GRM5: variants seen among roughly 807,000 people sequenced by gnomAD.
The protein encoded by GRM5 is metabotropic glutamate receptor 5.
A neutral mutation model predicts 83.1 loss-of-function variants in GRM5; 19 were observed. That is an observed-to-expected ratio of 0.23 (90% CI 0.16 to 0.34). The LOEUF (loss-of-function observed/expected upper bound fraction) is 0.34. Ranked by LOEUF, GRM5 falls within the 10% of genes least tolerant of loss-of-function variation. The pLI, the probability that GRM5 is intolerant of heterozygous loss-of-function variation, is 1.00. For synonymous variants in GRM5, 675 were observed against 633.6 expected, an observed-to-expected ratio of 1.07 and a Z score of -0.98; for missense variants, 1,160 against 1,588.3, an observed-to-expected ratio of 0.73 and a Z score of 4.58.
At chr11:88,594,414 C>A (rs910936502) in intron 6 of GRM5, among the ~76,000 whole-genome samples, 1 of 152,166 alleles carries the variant, frequency 6.6e-6, no homozygotes, top group Non-Finnish European at 1.5e-5. Context: ...AACTCAGCAA[C>A]TCAGCTATCC....
chr11:88,577,330 A>C (rs548457673), intron 7 of GRM5, among the ~76,000 whole-genome samples: 1 of 152,250 alleles, frequency 6.6e-6, no homozygotes, highest in African/African-American at 2.4e-5. Context: ...TATTACAGAA[A>C]GAAAATATGG....
intron 3 of GRM5, among the ~76,000 whole-genome samples, chr11:88,683,316 C>G (rs949078734): frequency 6.6e-6 from 1 of 152,164 alleles, no homozygotes; most frequent in Non-Finnish European, 1.5e-5. Flanking sequence ...GCACTCTATT[C>G]CTTCTCCAAA....
At chr11:88,984,997 T>C in intron 2 of GRM5, 1 of 509,202 alleles carries the variant, frequency 2.0e-6, no homozygotes, top group Non-Finnish European at 3.6e-6. Context: ...TGGTACTCAA[T>C]TTTACTCCAT....
intron 8 of GRM5, among the ~76,000 whole-genome samples, chr11:88,528,956 C>T (rs1314713833): frequency 6.6e-6 from 1 of 152,028 alleles, no homozygotes; most frequent in Non-Finnish European, 1.5e-5. Context: ...CATGCTATTT[C>T]CATTAATTTT....
At chr11:88,687,549 C>T (rs1367107455) in intron 3 of GRM5, among the ~76,000 whole-genome samples, 209 of 8,458 alleles carry the variant, frequency 0.025, 5 homozygotes, top group South Asian at 0.1. Context: ...CACACACACA[C>T]ACACATATAT....
At chr11:88,833,544 A>G (rs1488676323) in intron 3 of GRM5, among the ~76,000 whole-genome samples, 2 of 151,960 alleles carry the variant, frequency 1.3e-5, no homozygotes, top group Admixed American at 6.5e-5. Context: ...TACAGACACT[A>G]TGGAAAACAG....
At chr11:88,526,625 C>A (rs985342321) in intron 8 of GRM5, among the ~76,000 whole-genome samples, 1 of 152,154 alleles carries the variant, frequency 6.6e-6, no homozygotes, top group Admixed American at 6.6e-5. Context: ...CAGTCACACT[C>A]TTTTTAGTTT....
intron 3 of GRM5, among the ~76,000 whole-genome samples, chr11:88,754,459 T>C (rs1263473670): frequency 6.6e-6 from 1 of 152,098 alleles, no homozygotes; most frequent in Non-Finnish European, 1.5e-5. Flanking sequence ...AAATTAATTA[T>C]TCATTATAAT....
At chr11:88,892,735 G>C (rs1419822604) in intron 2 of GRM5, among the ~76,000 whole-genome samples, 1 of 151,938 alleles carries the variant, frequency 6.6e-6, no homozygotes, top group African/African-American at 2.4e-5. Context: ...GACTAACCCT[G>C]CTTATTTCTG....
At chr11:88,915,864 T>C (rs573931919) in intron 2 of GRM5, among the ~76,000 whole-genome samples, 187 of 152,288 alleles carry the variant, frequency 1.2e-3, no homozygotes, top group South Asian at 2.1e-3. Flanking sequence ...AACAGTTTTT[T>C]AGTCTCATGG....
At chr11:88,679,309 T>G (rs760349989) in intron 3 of GRM5, among the ~76,000 whole-genome samples, 80 of 151,830 alleles carry the variant, frequency 5.3e-4, no homozygotes, top group Non-Finnish European at 1.0e-3. Flanking sequence ...ATTTCTTGCT[T>G]AAACAACCAT....
intron 3 of GRM5, among the ~76,000 whole-genome samples, chr11:88,752,568 C>A (rs1053671181): frequency 3.9e-5 from 6 of 152,192 alleles, no homozygotes; most frequent in African/African-American, 1.2e-4. Flanking sequence ...CATTAAACTA[C>A]CTTTGCCATT....
chr11:88,987,974 C>T (rs1939794347), intron 2 of GRM5, among the ~76,000 whole-genome samples: 1 of 151,482 alleles, frequency 6.6e-6, no homozygotes, highest in African/African-American at 2.4e-5. Context: ...CAAAGGAATG[C>T]AGTTCCTCAC....
intron 3 of GRM5, among the ~76,000 whole-genome samples, chr11:88,746,417 T>A (rs1942143290): frequency 6.6e-6 from 1 of 152,114 alleles, no homozygotes. Flanking sequence ...TTGTTTAGCC[T>A]GATTCTAGCC....
At chr11:88,865,734 A>G (rs1231647430) in intron 2 of GRM5, among the ~76,000 whole-genome samples, 2 of 152,130 alleles carry the variant, frequency 1.3e-5, no homozygotes, top group Non-Finnish European at 2.9e-5. Context: ...AACCCCATGA[A>G]AAAGTGGGTG....
rs1257631121 is a variant in GRM5, at chr11:88,843,292, CATG to C, written c.911+6611_911+6613del. Among the ~76,000 whole-genome samples the C allele has an allele frequency of 2.0e-5, 3 of 152,200 alleles. No individual in the cohort carries two copies. In the East Asian group the frequency reaches 5.8e-4, roughly 29 times the overall value. ...TCGCTTATATTATTATTTCAATTTA[CATG>C]ATAATTGTACACATTTATGGCATAC... On this transcript the variant is annotated intron_variant, in intron 3 of 9. Coordinates refer to ENST00000305447, the MANE Select transcript of GRM5 (RefSeq NM_001143831.3).
At chr11:88,622,700 G>C (rs6483300) in intron 4 of GRM5, among the ~76,000 whole-genome samples, 125,706 of 152,064 alleles carry the variant, frequency 0.83, 52,783 homozygotes, top group Non-Finnish European at 0.92. Context: ...GTATTGAGCA[G>C]CAACTGTGTG....
At chr11:88,543,737 T>A (rs1185020645) in intron 8 of GRM5, among the ~76,000 whole-genome samples, 1 of 151,756 alleles carries the variant, frequency 6.6e-6, no homozygotes, top group African/African-American at 2.4e-5. Flanking sequence ...ACTAACATTA[T>A]TTTTTATGAG....
intron 3 of GRM5, among the ~76,000 whole-genome samples, chr11:88,742,071 A>G (rs1942041248): frequency 6.6e-6 from 1 of 151,876 alleles, no homozygotes; most frequent in East Asian, 1.9e-4. Context: ...TGCCACAGAT[A>G]TTTATAGACT....
Sources: gnomAD v4.1 joint callset for allele counts (sites outside exome capture counted in the v4.1 genomes callset) on GRCh38, gnomAD v4.1.1 for gene constraint, MANE v1.5 for transcripts, NCBI Gene and HGNC (gene_info 2026-07-23, HGNC 2026-07-21) for gene names.